Variants in GRM1 observed in about 807,000 individuals in gnomAD.
GRM1 encodes metabotropic glutamate receptor 1.
Under a neutral mutation model 90.9 loss-of-function variants are expected in GRM1, and 33 were observed. That is an observed-to-expected ratio of 0.36 (90% CI 0.28 to 0.49). GRM1 has a LOEUF of 0.49. Ranked by LOEUF, GRM1 falls within the 20% of genes least tolerant of loss-of-function variation. The probability of loss-of-function intolerance (pLI) is 0.99; values close to 1 mark genes in which losing one functional copy is unlikely to be tolerated. For missense variants in GRM1, 1,190 were observed against 1,534.3 expected (o/e 0.78, Z 3.75); for synonymous variants, 700 against 613.2 (o/e 1.14, Z -2.09).
At chr6:146,092,508 G>T (rs1270160173) in intron 1 of GRM1, among the ~76,000 whole-genome samples, 1 of 151,986 alleles carries the variant, frequency 6.6e-6, no homozygotes, top group Non-Finnish European at 1.5e-5. Context: ...TAGACTCATG[G>T]TACAGTCTGT....
chr6:146,037,477 T>TTTTC (rs1227638623), intron 1 of GRM1, among the ~76,000 whole-genome samples: 11 of 151,664 alleles, frequency 7.3e-5, no homozygotes, highest in East Asian at 1.9e-4. Context: ...CAAGCCAAAG[T>TTTTC]TTTCTTTCTT....
At chr6:146,215,423 C>T (rs530337696) in intron 2 of GRM1, among the ~76,000 whole-genome samples, 53 of 151,840 alleles carry the variant, frequency 3.5e-4, no homozygotes, top group African/African-American at 1.2e-3. Flanking sequence ...TGCTTTTCTC[C>T]ATCATACTTC....
chr6:146,204,265 A>T (rs538595885), intron 2 of GRM1, among the ~76,000 whole-genome samples: 2 of 152,372 alleles, frequency 1.3e-5, no homozygotes, highest in East Asian at 3.9e-4. Flanking sequence ...TCGTAATAAG[A>T]CAATGGGCAG....
At chr6:146,408,879 G>C (rs891561692) in intron 7 of GRM1, among the ~76,000 whole-genome samples, 1 of 152,132 alleles carries the variant, frequency 6.6e-6, no homozygotes, top group African/African-American at 2.4e-5. Context: ...AAGTGAAGCA[G>C]ACTGTGTGAA....
chr6:146,320,490 A>G (rs1784140472), intron 3 of GRM1, among the ~76,000 whole-genome samples: 1 of 152,170 alleles, frequency 6.6e-6, no homozygotes, highest in Non-Finnish European at 1.5e-5. Context: ...AAAATGAGTT[A>G]GGGAGGAGTC....
chr6:146,429,781 C>G (rs1038709016), intron 7 of GRM1, among the ~76,000 whole-genome samples: 4 of 152,138 alleles, frequency 2.6e-5, no homozygotes, highest in African/African-American at 9.7e-5. Context: ...TTTTCCGTTT[C>G]CATTTTCACT....
chr6:146,193,707 A>G (rs545428343), intron 2 of GRM1, among the ~76,000 whole-genome samples: 4 of 152,134 alleles, frequency 2.6e-5, no homozygotes, highest in Admixed American at 2.6e-4. Flanking sequence ...TTTTAACATC[A>G]TGTTTTTAAA....
At chr6:146,270,913 C>CTTTCTTTCTTTA in intron 2 of GRM1, among the ~76,000 whole-genome samples, 1 of 71,712 alleles carries the variant, frequency 1.4e-5, no homozygotes, top group East Asian at 3.3e-4. Flanking sequence ...TTCTTTCTTT[C>CTTTCTTTCTTTA]TTCCTTCCTT....
intron 7 of GRM1, among the ~76,000 whole-genome samples, chr6:146,419,835 A>G (rs764624262): frequency 2.6e-5 from 4 of 152,210 alleles, no homozygotes; most frequent in East Asian, 1.9e-4. Context: ...CCGTGATGCA[A>G]TCACCTCCCA....
At chr6:146,370,577 A>G (rs543438531) in intron 5 of GRM1, among the ~76,000 whole-genome samples, 3 of 152,134 alleles carry the variant, frequency 2.0e-5, no homozygotes, top group Non-Finnish European at 2.9e-5. Context: ...GGGTCTTTCC[A>G]TTTATTTATT....
chr6:146,084,056 A>T (rs1303137626), intron 1 of GRM1, among the ~76,000 whole-genome samples: 2 of 152,016 alleles, frequency 1.3e-5, no homozygotes, highest in African/African-American at 4.8e-5. Context: ...GGTAATTTGT[A>T]TTTCTGTGGG....
rs142083899 is a variant in GRM1, at chr6:146,429,272, T to G, written c.2661-4600T>G. ...CTCATATAATTAGAAAGCATTTGTCTTAAAAAACACCTCAGAAATTCTTTA... is the reference window on the plus strand; with the variant it reads ...CTCATATAATTAGAAAGCATTTGTCGTAAAAAACACCTCAGAAATTCTTTA... On this transcript the variant is annotated intron_variant, in intron 7 of 7. Coordinates refer to ENST00000282753, the MANE Select transcript of GRM1 (RefSeq NM_001278064.2). Among the ~76,000 whole-genome samples, 8 of 152,316 alleles carry G rather than the reference T, an allele frequency of 5.3e-5. No individual in the cohort carries two copies. The East Asian group carries it at 7.7e-4, about 15-fold the overall frequency.
At chr6:146,426,928 C>G (rs150056777) in intron 7 of GRM1, among the ~76,000 whole-genome samples, 50 of 152,044 alleles carry the variant, frequency 3.3e-4, no homozygotes, top group African/African-American at 1.1e-3. Flanking sequence ...CTCACAAGCC[C>G]GAAAGTGAAT....
chr6:146,151,773 A>C (rs372655675), intron 1 of GRM1, among the ~76,000 whole-genome samples: 2 of 152,186 alleles, frequency 1.3e-5, no homozygotes, highest in East Asian at 1.9e-4. Flanking sequence ...TGCCTATCTT[A>C]ACTTTACTCT....
At chr6:146,149,315 G>T (rs532732791) in intron 1 of GRM1, among the ~76,000 whole-genome samples, 1 of 152,298 alleles carries the variant, frequency 6.6e-6, no homozygotes, top group East Asian at 1.9e-4. Flanking sequence ...ACCATGAGTG[G>T]ACAGTGAAGC....
chr6:146,071,816 A>C (rs1776026014), intron 1 of GRM1, among the ~76,000 whole-genome samples: 1 of 152,180 alleles, frequency 6.6e-6, no homozygotes, highest in South Asian at 2.1e-4. Flanking sequence ...TAGGGCAAGG[A>C]GCTGGGCCTT....
At chr6:146,055,195 T>C (rs1408284513) in intron 1 of GRM1, among the ~76,000 whole-genome samples, 1 of 152,088 alleles carries the variant, frequency 6.6e-6, no homozygotes, top group Non-Finnish European at 1.5e-5. Context: ...ATGCCATACT[T>C]TTTGGGAAAA....
intron 3 of GRM1, among the ~76,000 whole-genome samples, chr6:146,325,611 T>C (rs1042949636): frequency 1.3e-5 from 2 of 152,360 alleles, no homozygotes; most frequent in Middle Eastern, 3.4e-3. Flanking sequence ...AACATTGTTA[T>C]GTAGCAAACG....
intron 1 of GRM1, among the ~76,000 whole-genome samples, chr6:146,031,405 TATTC>T (rs1407745755): frequency 6.6e-6 from 1 of 152,196 alleles, no homozygotes; most frequent in African/African-American, 2.4e-5. Context: ...ATTTCCATAA[TATTC>T]AGTTACTGGC....
Sources: allele counts gnomAD v4.1 joint callset (sites outside exome capture counted in the v4.1 genomes callset), GRCh38; gene constraint gnomAD v4.1.1; transcripts MANE v1.5; gene names NCBI Gene and HGNC (gene_info 2026-07-23, HGNC 2026-07-21).